The following TMEM79 variants were observed in gnomAD, a reference collection of about 807,000 sequenced individuals.
TMEM79 encodes the protein transmembrane protein 79, also known as mattrin.
A neutral mutation model predicts 31.2 loss-of-function variants in TMEM79; 30 were observed. The observed-to-expected ratio is 0.96, with a 90% CI of 0.72 to 1.30. TMEM79 has a LOEUF of 1.30. TMEM79 is among the 50% of genes most tolerant of loss of function. TMEM79 has a pLI of 0.00. For synonymous variants in TMEM79, 213 were observed against 229.5 expected (o/e 0.93, Z 0.65); for missense variants, 509 against 528.2 (o/e 0.96, Z 0.36).
chr1:156,283,264 C>T (rs1001943946), upstream of TMEM79, among the ~76,000 whole-genome samples: 3 of 152,190 alleles, frequency 2.0e-5, no homozygotes, highest in African/African-American at 7.2e-5. Context: ...GGCCGAGCAT[C>T]ACATAGGAGT....
chr1:156,292,032 A>C lies in TMEM79; in HGVS notation c.*434A>C. ...TGACCACTTCTGTGCCAGTTGTCTA[A>C]GCAGAGCGCCTCAGGGACGCTGGAA... is the stretch of plus-strand genomic sequence containing the variant. On this transcript the variant is annotated 3_prime_UTR_variant, in exon 4 of 4. Transcript: ENST00000405535. The C allele has an allele frequency of 2.8e-6, 1 of 355,404 alleles. No homozygotes were observed. The highest frequency in any genetic ancestry group is 5.2e-6 in the Non-Finnish European group (1 of 193,772). The allele number at this position is 355,404 out of a possible 1,614,324, so 22.0% of individuals were successfully genotyped here. A position where few individuals can be genotyped will look rare whatever the true frequency, so the allele number is the denominator to read the frequency against.
chr1:156,286,497 C>T, intron 3 of TMEM79, 24 bp downstream of exon 3: 2 of 1,609,842 alleles, frequency 1.2e-6, no homozygotes, highest in Non-Finnish European at 1.7e-6. Flanking sequence ...GAGGGTGGGG[C>T]ATGGGAGAGG....
chr1:156,285,293 C>A lies in TMEM79; in HGVS notation c.67C>A (p.Pro23Thr), dbSNP rs1212521287. 1 of 1,576,760 alleles carries A rather than the reference C, an allele frequency of 6.3e-7. No homozygotes were observed. Among genetic ancestry groups the A allele is most frequent in the Admixed American group, 1.9e-5 (1 of 53,000 alleles). The change falls in exon 2 of 4, where the codon CCC (proline) becomes ACC (threonine). Residue 23 changes from proline (P) to threonine (T), a missense_variant. Physicochemically the swap from Pro to Thr is conservative, Grantham distance 38 (BLOSUM62 -1). Coordinates refer to ENST00000405535, the MANE Select transcript of TMEM79 (RefSeq NM_032323.3). ...KRSDSPEKSS[P>T]QALVPNGRQP... ...GTCTGATTCCCCAGAGAAGAGCTCA[C>A]CCCAGGCCTTGGTTCCCAATGGCCG...
chr1:156,288,452 A>G (rs1663229925), intron 3 of TMEM79, among the ~76,000 whole-genome samples: 1 of 151,050 alleles, frequency 6.6e-6, no homozygotes, highest in East Asian at 2.0e-4. Context: ...TTCCTGCCTC[A>G]GCCCCCCGAG....
Position 156,285,408 on chromosome 1 carries a change from G to A in TMEM79, c.182G>A (p.Gly61Glu), listed in dbSNP as rs770924093. The A allele has an allele frequency of 6.2e-7, 1 of 1,605,228 alleles. No individual in the cohort carries two copies. Among genetic ancestry groups the A allele is most frequent in the South Asian group, 1.1e-5 (1 of 90,050 alleles). Reference protein sequence around the residue: ...SSAGSPTAIEGAEDGLDSTVS... With the variant: ...SSAGSPTAIEEAEDGLDSTVS... ...GCTGGATCTCCCACAGCCATAGAGG[G>A]GGCTGAGGATGGTCTAGACAGCACA... Residue 61 changes from glycine (G) to glutamate (E), a missense_variant, in exon 2 of 4, where the codon GGG becomes GAG. By Grantham distance (98) the Gly-to-Glu change is moderately conservative (BLOSUM62 -2). Coordinates refer to ENST00000405535, the MANE Select transcript of TMEM79 (RefSeq NM_032323.3).
chr1:156,290,715 G>A (rs1250677206), intron 3 of TMEM79: 2 of 152,108 alleles, frequency 1.3e-5, no homozygotes, highest in East Asian at 3.8e-4. Flanking sequence ...CGTAGTCTCA[G>A]CTACTCAGGA....
intron 3 of TMEM79, among the ~76,000 whole-genome samples, chr1:156,286,917 G>C (rs549482658): frequency 3.9e-5 from 6 of 152,216 alleles, no homozygotes; most frequent in Non-Finnish European, 8.8e-5. Context: ...GAGGTCAGGA[G>C]TTCGAGACCA....
At position 156,285,175 on chromosome 1, in the gene TMEM79, TC is replaced by T; in HGVS notation, c.-43-6del. The stretch of plus-strand genomic sequence containing the variant: ...GGTTTCTGACAGAGCTTTCCTCTGT[TC>T]CCTGCAGGATGACATGACCTTGTGG... On this transcript the variant is annotated splice_region_variant and splice_polypyrimidine_tract_variant and intron_variant, in intron 1 of 3. Coordinates refer to ENST00000405535, the MANE Select transcript of TMEM79 (RefSeq NM_032323.3). 2.6e-6 allele frequency: 4 copies of T among 1,510,654 alleles called. No individual in the cohort carries two copies. Among genetic ancestry groups the T allele is most frequent in the Non-Finnish European group, 3.5e-6 (4 of 1,131,046 alleles). The allele number at this position is 1,510,654 out of a possible 1,614,324, so 93.6% of individuals were successfully genotyped here.
Position 156,285,352 on chromosome 1 carries a change from G to C in TMEM79, c.126G>C (p.Pro42=). 4 of 1,574,298 alleles carry C rather than the reference G, an allele frequency of 2.5e-6. No individual in the cohort carries two copies. The highest frequency in any genetic ancestry group is 3.4e-6 in the Non-Finnish European group (4 of 1,161,838). ...AAGGGGAAGGTGGGGCCGAATCCCCGGGAGCTGAGTCCCTCAGAGTGGGGT... is the reference window on the plus strand; with the variant it reads ...AAGGGGAAGGTGGGGCCGAATCCCCCGGAGCTGAGTCCCTCAGAGTGGGGT... ...QPEGEGGAES[P]GAESLRVGSS... Residue 42 remains proline, a synonymous_variant, in exon 2 of 4, where the codon CCG becomes CCC. Transcript: ENST00000405535.
At chr1:156,284,437 G>C (rs1399886353) in intron 1 of TMEM79, 31 bp downstream of exon 1, 2 of 152,242 alleles carry the variant, frequency 1.3e-5, no homozygotes, top group Non-Finnish European at 2.9e-5. Flanking sequence ...CAAACTGCAA[G>C]GTTTGGAGTG....
chr1:156,283,935 G>A (rs2101584476), upstream of TMEM79, among the ~76,000 whole-genome samples: 1 of 152,240 alleles, frequency 6.6e-6, no homozygotes, highest in East Asian at 1.9e-4. Flanking sequence ...GCTTCTCAAG[G>A]GCAGAGACCT....
In TMEM79 at chr1:156,286,361, T is replaced by C. The variant is rs1378327064; in HGVS notation, c.859T>C (p.Ser287Pro). 4 of 1,614,192 alleles carry C rather than the reference T, an allele frequency of 2.5e-6. No individual in the cohort carries two copies. In the South Asian group the frequency reaches 4.4e-5, roughly 18 times the overall value. Residue 287 changes from serine (S) to proline (P), a missense_variant, in exon 3 of 4, where the codon TCG (serine) becomes CCG (proline). Coordinates refer to ENST00000405535, the MANE Select transcript of TMEM79 (RefSeq NM_032323.3). ...VEIHRRYVAQ[S>P]VQLFILYFFN... ...GATCCACCGGCGATATGTGGCCCAG[T>C]CGGTCCAGCTCTTTATTCTCTACTT...
chr1:156,289,573 C>T (rs1663256801), intron 3 of TMEM79, among the ~76,000 whole-genome samples: 1 of 152,200 alleles, frequency 6.6e-6, no homozygotes, highest in Admixed American at 6.5e-5. Flanking sequence ...GATTGGGCCA[C>T]TGCACTCCAG....
chr1:156,285,600 C>T lies in TMEM79; in HGVS notation c.374C>T (p.Ala125Val), dbSNP rs777765530. 3.8e-5 allele frequency: 61 copies of T among 1,614,100 alleles called. No individual in the cohort carries two copies. The highest frequency in any genetic ancestry group is 4.9e-5 in the Non-Finnish European group (58 of 1,180,044). ...EDDANLLPEKAARAFVPIDLQ... is the reference protein window; with the variant it reads ...EDDANLLPEKVARAFVPIDLQ... Reference sequence around the variant, plus strand: ...GATGCCAACCTGCTGCCTGAGAAAGCGGCCCGTGCCTTCGTGCCTATTGAC... The same window carrying T: ...GATGCCAACCTGCTGCCTGAGAAAGTGGCCCGTGCCTTCGTGCCTATTGAC... Residue 125 changes from alanine (A) to valine (V), a missense_variant, in exon 2 of 4, where the codon GCG becomes GTG. Coordinates refer to ENST00000405535, the MANE Select transcript of TMEM79 (RefSeq NM_032323.3).
intron 1 of TMEM79, among the ~76,000 whole-genome samples, chr1:156,284,687 A>C (rs768839496): frequency 3.3e-5 from 5 of 152,206 alleles, no homozygotes; most frequent in Non-Finnish European, 7.3e-5. Context: ...GGGTCAGATC[A>C]GTTGGCAAAT....
At chr1:156,290,654 C>A (rs1238298144) in intron 3 of TMEM79, 1 of 151,886 alleles carries the variant, frequency 6.6e-6, no homozygotes, top group Non-Finnish European at 1.5e-5. Flanking sequence ...CGGGTGAAAC[C>A]CCATCTCTAC....
chr1:156,285,474 A>G lies in TMEM79; in HGVS notation c.248A>G (p.Gln83Arg). The change falls in exon 2 of 4, where the codon CAG becomes CGG. Residue 83 changes from glutamine to arginine, a missense_variant. Transcript: ENST00000405535. ...AATLPWGTGP[Q>R]PSAPFPDPPG... Reference sequence around the variant, plus strand: ...ACCTTGCCCTGGGGGACTGGCCCTCAGCCCAGTGCTCCGTTCCCGGATCCC... The same window carrying G: ...ACCTTGCCCTGGGGGACTGGCCCTCGGCCCAGTGCTCCGTTCCCGGATCCC... 8.7e-6 allele frequency: 14 copies of G among 1,614,092 alleles called. No homozygotes were observed. Among genetic ancestry groups the G allele is most frequent in the Non-Finnish European group, 1.1e-5 (13 of 1,180,032 alleles).
Position 156,285,268 on chromosome 1 carries a change from G to A in TMEM79, c.42G>A (p.Arg14=). The A allele has an allele frequency of 6.4e-7, 1 of 1,563,804 alleles. No individual in the cohort carries two copies. The highest frequency in any genetic ancestry group is 1.2e-5 in the South Asian group (1 of 82,190). ...QETLALLEVK[R]SDSPEKSSPQ... ...CCCTGGCCCTACTGGAAGTGAAGAGGTCTGATTCCCCAGAGAAGAGCTCAC... is the reference window on the plus strand; with the variant it reads ...CCCTGGCCCTACTGGAAGTGAAGAGATCTGATTCCCCAGAGAAGAGCTCAC... Residue 14 remains arginine (R), a synonymous_variant, in exon 2 of 4, where the codon AGG becomes AGA. Transcript: ENST00000405535.
In TMEM79 at chr1:156,285,352, G is replaced by A. The variant is rs746780650; in HGVS notation, c.126G>A (p.Pro42=). Residue 42 remains proline (P), a synonymous_variant, in exon 2 of 4, where the codon CCG becomes CCA. Transcript: ENST00000405535. The part of the protein sequence containing the change: ...QPEGEGGAES[P]GAESLRVGSS... ...AAGGGGAAGGTGGGGCCGAATCCCC[G>A]GGAGCTGAGTCCCTCAGAGTGGGGT... The A allele has an allele frequency of 5.8e-5, 91 of 1,574,180 alleles. No homozygotes were observed. The highest frequency in any genetic ancestry group is 2.4e-4 in the African/African-American group (18 of 73,794).
Sources: gnomAD v4.1 joint callset for allele counts (sites outside exome capture counted in the v4.1 genomes callset) on GRCh38, gnomAD v4.1.1 for gene constraint, MANE v1.5 for transcripts, NCBI Gene and HGNC (gene_info 2026-07-23, HGNC 2026-07-21) for gene names.